Variants in PRKG1 observed in about 807,000 individuals in gnomAD.
PRKG1 encodes the protein protein kinase cGMP-dependent 1, also known as cGMP-dependent protein kinase 1.
In PRKG1, 35 loss-of-function variants were observed where a neutral mutation model predicts 88.1. The observed-to-expected ratio is 0.40, with a 90% CI of 0.30 to 0.53. The LOEUF (loss-of-function observed/expected upper bound fraction) is 0.53. Ranked by LOEUF, PRKG1 falls within the 20% of genes least tolerant of loss-of-function variation. The pLI is 0.59. For missense variants in PRKG1, 540 were observed against 839.8 expected (o/e 0.64, Z 4.41); for synonymous variants, 303 against 292.5 (o/e 1.04, Z -0.37).
At chr10:51,905,860 A>C (rs190402886) in intron 4 of PRKG1, among the ~76,000 whole-genome samples, 1 of 152,170 alleles carries the variant, frequency 6.6e-6, no homozygotes, top group African/African-American at 2.4e-5. Flanking sequence ...CATTCAAAAT[A>C]TGTTGTTTGT....
At chr10:51,854,715 C>T (rs1226928639) in intron 4 of PRKG1, among the ~76,000 whole-genome samples, 2 of 152,040 alleles carry the variant, frequency 1.3e-5, no homozygotes, top group Admixed American at 1.3e-4. Context: ...GGATGTACAC[C>T]AAACTAAAGT....
chr10:51,096,912 T>A (rs1844544143), intron 1 of PRKG1, among the ~76,000 whole-genome samples: 1 of 152,192 alleles, frequency 6.6e-6, no homozygotes, highest in Non-Finnish European at 1.5e-5. Context: ...TGCTGCTATG[T>A]ATCCTACAAT....
intron 1 of PRKG1, among the ~76,000 whole-genome samples, chr10:51,111,237 T>C (rs569827245): frequency 1.3e-5 from 2 of 152,300 alleles, no homozygotes; most frequent in African/African-American, 4.8e-5. Flanking sequence ...GTTACCTTGT[T>C]GATTTTTTAA....
chr10:51,358,934 T>TGGG (rs56324062), intron 2 of PRKG1, among the ~76,000 whole-genome samples: 67 of 134,294 alleles, frequency 5.0e-4, no homozygotes, highest in African/African-American at 1.7e-3. Flanking sequence ...CGTTATTTAT[T>TGGG]GGGGGGGGGG....
intron 3 of PRKG1, among the ~76,000 whole-genome samples, chr10:51,756,216 C>T (rs1837856319): frequency 6.6e-6 from 1 of 152,092 alleles, no homozygotes; most frequent in South Asian, 2.1e-4. Flanking sequence ...GGAGCAGTGG[C>T]TCAGACCTGT....
chr10:50,991,870 G>C lies in PRKG1; in HGVS notation c.266+226G>C, dbSNP rs999414575. Among the ~76,000 whole-genome samples, 1 of 152,192 alleles carries C rather than the reference G, an allele frequency of 6.6e-6. No homozygotes were observed. The highest frequency in any genetic ancestry group is 6.5e-5 in the Admixed American group (1 of 15,290). On this transcript the variant is annotated intron_variant, in intron 1 of 17. Coordinates refer to the PRKG1 transcript ENST00000401604. The surrounding 1 kb of genome is among the most constrained non-coding windows in gnomAD (Gnocchi z 4.5). ...CCGGGCTGGGAAAGGCGAGCTGCAC[G>C]GGGAGACGCGCCCCTGTGGCGTGGG...
intron 3 of PRKG1, among the ~76,000 whole-genome samples, chr10:51,601,954 C>A (rs1347790491): frequency 6.6e-6 from 1 of 151,630 alleles, no homozygotes; most frequent in African/African-American, 2.4e-5. Flanking sequence ...AAAATTTTAA[C>A]CAGCTCCCAT....
intron 2 of PRKG1, 95 bp downstream of exon 2, chr10:51,153,425 A>T (rs1846128211): frequency 8.2e-7 from 1 of 1,218,484 alleles, no homozygotes; most frequent in South Asian, 2.2e-5. Context: ...GGAAAATTCC[A>T]TTTTTCCTTC....
At chr10:51,688,357 C>T (rs1214391001) in intron 3 of PRKG1, among the ~76,000 whole-genome samples, 1 of 151,980 alleles carries the variant, frequency 6.6e-6, no homozygotes, top group African/African-American at 2.4e-5. Context: ...CAGTATATAA[C>T]ATCACAAGGA....
chr10:51,075,099 C>T (rs1020506769), intron 1 of PRKG1, among the ~76,000 whole-genome samples, 198 bp downstream of exon 1: 8 of 152,170 alleles, frequency 5.3e-5, no homozygotes, highest in Non-Finnish European at 1.0e-4. Context: ...ACGTTGCCTT[C>T]GTGTCTTTGT....
intron 2 of PRKG1, among the ~76,000 whole-genome samples, chr10:51,239,813 G>A (rs909024766): frequency 2.0e-5 from 3 of 152,172 alleles, no homozygotes; most frequent in Admixed American, 6.5e-5. Context: ...ATAACCTCAG[G>A]CAGGTTGTTT....
chr10:52,141,454 G>A (rs1015606916), intron 8 of PRKG1, among the ~76,000 whole-genome samples: 11 of 151,996 alleles, frequency 7.2e-5, no homozygotes, highest in African/African-American at 1.2e-4. Flanking sequence ...TGACTGACTG[G>A]GATGCCCAGA....
intron 2 of PRKG1, among the ~76,000 whole-genome samples, chr10:51,260,902 C>A (rs1400464970): frequency 1.3e-5 from 2 of 152,148 alleles, no homozygotes; most frequent in African/African-American, 4.8e-5. Flanking sequence ...ATATATAAGA[C>A]AAGTACACTA....
intron 3 of PRKG1, among the ~76,000 whole-genome samples, chr10:51,793,918 C>T (rs1260756136): frequency 1.3e-5 from 2 of 152,090 alleles, no homozygotes; most frequent in Non-Finnish European, 2.9e-5. Flanking sequence ...TAAGCCAACA[C>T]ATCCAGCTAG....
chr10:52,126,493 A>G (rs979149732), intron 7 of PRKG1, among the ~76,000 whole-genome samples: 2 of 151,946 alleles, frequency 1.3e-5, no homozygotes, highest in Non-Finnish European at 2.9e-5. Flanking sequence ...TTTGTAATTA[A>G]TATGCAAAAA....
intron 2 of PRKG1, among the ~76,000 whole-genome samples, chr10:51,408,139 C>T (rs925403412): frequency 1.3e-5 from 2 of 152,156 alleles, no homozygotes; most frequent in Non-Finnish European, 2.9e-5. Flanking sequence ...CTGTGAATCC[C>T]GGCTATGGGA....
At chr10:51,398,152 C>A (rs1487018570) in intron 2 of PRKG1, among the ~76,000 whole-genome samples, 1 of 152,154 alleles carries the variant, frequency 6.6e-6, no homozygotes, top group Non-Finnish European at 1.5e-5. Context: ...TGGTCCCCAA[C>A]CTTTTTGGCA....
intron 9 of PRKG1, among the ~76,000 whole-genome samples, chr10:52,241,009 C>T (rs796430439): frequency 3.3e-5 from 5 of 152,226 alleles, no homozygotes; most frequent in African/African-American, 9.6e-5. Context: ...TCCCAAATCT[C>T]GAAGTTTTAT....
At chr10:51,161,612 T>C (rs1393525934) in intron 2 of PRKG1, among the ~76,000 whole-genome samples, 1 of 152,170 alleles carries the variant, frequency 6.6e-6, no homozygotes, top group Non-Finnish European at 1.5e-5. Context: ...TGAAATGCCA[T>C]CTTTTTTTTC....
Sources: gnomAD v4.1 joint callset for allele counts (sites outside exome capture counted in the v4.1 genomes callset) on GRCh38, gnomAD v4.1.1 for gene constraint, Gnocchi (gnomAD v3.1) non-coding constraint, MANE v1.5 for transcripts, NCBI Gene and HGNC (gene_info 2026-07-23, HGNC 2026-07-21) for gene names.